SLC15A1: variants seen among roughly 807,000 people sequenced by gnomAD.
SLC15A1 encodes the protein Caco-2 oligopeptide transporter.
SLC15A1 carries 83 observed loss-of-function variants against 92.9 expected under a neutral mutation model. That is an observed-to-expected ratio of 0.89 (90% CI 0.75 to 1.07). The LOEUF (loss-of-function observed/expected upper bound fraction) is 1.07, where lower values mean the gene tolerates loss of function less well. Among genes scored for constraint, SLC15A1 ranks in the 50% least tolerant of loss-of-function variants. SLC15A1 has a pLI of 0.00. For synonymous variants in SLC15A1, 322 were observed against 318.2 expected, an observed-to-expected ratio of 1.01 and a Z score of -0.13; for missense variants, 857 against 880.1, an observed-to-expected ratio of 0.97 and a Z score of 0.33.
rs541671484 is a variant in SLC15A1 at position 98,718,679 on chromosome 13, G to A, written c.640+558C>T. Among the ~76,000 whole-genome samples, 13 of 152,200 alleles carry A rather than the reference G, an allele frequency of 8.5e-5. No individual in the cohort carries two copies. The South Asian group carries it at 1.7e-3, about 19-fold the overall frequency. On this transcript the variant is annotated intron_variant, in intron 8 of 22. Transcript: ENST00000376503. ...TAACAATAAAAAATATGTGGTGGCCGGTGCCTGTAATCTCAACTACTTGGG... is the reference window on the plus strand; with the variant it reads ...TAACAATAAAAAATATGTGGTGGCCAGTGCCTGTAATCTCAACTACTTGGG...
chr13:98,745,073 A>G (rs2139613553), intron 1 of SLC15A1, among the ~76,000 whole-genome samples: 1 of 152,352 alleles, frequency 6.6e-6, no homozygotes, highest in Admixed American at 6.5e-5. Context: ...GCAGGTCCAC[A>G]GTACCGCATC....
intron 18 of SLC15A1, among the ~76,000 whole-genome samples, chr13:98,702,168 T>C (rs1440856571): frequency 6.6e-6 from 1 of 152,226 alleles, no homozygotes; most frequent in Non-Finnish European, 1.5e-5. Context: ...CTTTTGTAGA[T>C]GTCCTTTTTC....
chr13:98,727,199 C>G (rs2088309549), intron 1 of SLC15A1, among the ~76,000 whole-genome samples: 1 of 152,202 alleles, frequency 6.6e-6, no homozygotes, highest in African/African-American at 2.4e-5. Flanking sequence ...TCTTCAATAT[C>G]TGACAAGTGT....
intron 1 of SLC15A1, among the ~76,000 whole-genome samples, chr13:98,751,523 C>T (rs1225320136): frequency 6.6e-6 from 1 of 152,248 alleles, no homozygotes; most frequent in Non-Finnish European, 1.5e-5. Context: ...AGAACTGCAG[C>T]CCAGGAATCT....
chr13:98,704,841 A>T (rs1382870564), intron 16 of SLC15A1, among the ~76,000 whole-genome samples: 2 of 152,266 alleles, frequency 1.3e-5, no homozygotes, highest in Non-Finnish European at 1.5e-5. Flanking sequence ...TTAGTTTCAC[A>T]AGGTCTAAGG....
At chr13:98,750,727 G>T (rs1346281279) in intron 1 of SLC15A1, among the ~76,000 whole-genome samples, 1 of 151,540 alleles carries the variant, frequency 6.6e-6, no homozygotes, top group Non-Finnish European at 1.5e-5. Context: ...AGCAATTCTG[G>T]CATGACCTAA....
intron 18 of SLC15A1, among the ~76,000 whole-genome samples, chr13:98,694,268 T>G (rs752392121): frequency 3.9e-5 from 6 of 152,228 alleles, no homozygotes; most frequent in Non-Finnish European, 7.3e-5. Flanking sequence ...GCCAGACCTT[T>G]GCATAGCTGT....
At chr13:98,742,666 T>C (rs1387740178) in intron 1 of SLC15A1, among the ~76,000 whole-genome samples, 1 of 152,194 alleles carries the variant, frequency 6.6e-6, no homozygotes, top group Non-Finnish European at 1.5e-5. Context: ...GGCCCAGCTT[T>C]GGTGTTCCCC....
chr13:98,752,644 C>A lies in SLC15A1; in HGVS notation c.-46G>T. The A allele has an allele frequency of 8.0e-7, 1 of 1,247,194 alleles. No homozygotes were observed. The highest frequency in any genetic ancestry group is 3.5e-5 in the South Asian group (1 of 28,918). The allele number at this position is 1,247,194 out of a possible 1,614,324, so 77.3% of individuals were successfully genotyped here. A position where few individuals can be genotyped will look rare whatever the true frequency, so the allele number is the denominator to read the frequency against. ...CTGCGACCTGCCGGCGGGACGTGCT[C>A]CTGGCAGGTGCTACTCCTCCGACCT... On this transcript the variant is annotated 5_prime_UTR_variant, in exon 1 of 23. Coordinates refer to ENST00000376503, the MANE Select transcript of SLC15A1 (RefSeq NM_005073.4).
intron 1 of SLC15A1, among the ~76,000 whole-genome samples, chr13:98,748,384 G>C (rs2088513010): frequency 6.6e-6 from 1 of 152,098 alleles, no homozygotes; most frequent in Non-Finnish European, 1.5e-5. Context: ...TCCACCTCCT[G>C]GGCTCAAGTG....
chr13:98,684,611 C>T lies in SLC15A1; in HGVS notation c.*113G>A. ...AGAAAATAGCATTCATGGTTTAGTT[C>T]CCAATTCTGAAGTCTTCCTCATCAG... On this transcript the variant is annotated 3_prime_UTR_variant, in exon 23 of 23. Coordinates refer to ENST00000376503, the MANE Select transcript of SLC15A1 (RefSeq NM_005073.4). 1.6e-6 allele frequency: 1 copy of T among 644,822 alleles called. No individual in the cohort carries two copies. Among genetic ancestry groups the T allele is most frequent in the Non-Finnish European group, 2.6e-6 (1 of 379,866 alleles). The allele number at this position is 644,822 out of a possible 1,614,324, so 39.9% of individuals were successfully genotyped here. A position where few individuals can be genotyped will look rare whatever the true frequency, so the allele number is the denominator to read the frequency against.
chr13:98,752,393 C>G (rs1335459450), intron 1 of SLC15A1, among the ~76,000 whole-genome samples: 1 of 152,144 alleles, frequency 6.6e-6, no homozygotes, highest in African/African-American at 2.4e-5. Flanking sequence ...CTGGGCACCT[C>G]TGGCTTCCGC....
intron 1 of SLC15A1, among the ~76,000 whole-genome samples, chr13:98,743,001 T>A (rs1461313335): frequency 6.6e-6 from 1 of 152,182 alleles, no homozygotes; most frequent in African/African-American, 2.4e-5. Flanking sequence ...CTCAAACTTC[T>A]TGTCTCAAGT....
chr13:98,693,092 T>G (rs1267411460), intron 18 of SLC15A1, among the ~76,000 whole-genome samples: 1 of 132,686 alleles, frequency 7.5e-6, no homozygotes. Flanking sequence ...TCTACGTTTT[T>G]TTTTTTTTTT....
intron 1 of SLC15A1, among the ~76,000 whole-genome samples, chr13:98,731,667 C>T (rs1179295096): frequency 8.5e-5 from 13 of 152,116 alleles, no homozygotes; most frequent in Non-Finnish European, 1.9e-4. Flanking sequence ...TCCTGTGTTC[C>T]CCGGATTTTT....
chr13:98,731,767 T>A (rs2088352468), intron 1 of SLC15A1, among the ~76,000 whole-genome samples: 1 of 152,064 alleles, frequency 6.6e-6, no homozygotes. Flanking sequence ...AGTGGTAAAG[T>A]TTTTCTCTAC....
At chr13:98,710,595 C>A (rs2088153366) in intron 11 of SLC15A1, among the ~76,000 whole-genome samples, 1 of 151,974 alleles carries the variant, frequency 6.6e-6, no homozygotes, top group Non-Finnish European at 1.5e-5. Flanking sequence ...GCGCGTGGAT[C>A]ACCTGAGGTT....
intron 10 of SLC15A1, among the ~76,000 whole-genome samples, chr13:98,712,184 T>C (rs1247508804): frequency 1.3e-5 from 2 of 152,212 alleles, no homozygotes; most frequent in Admixed American, 6.5e-5. Flanking sequence ...TTACTAAATG[T>C]AAATCCCACC....
rs754468098 is a variant in SLC15A1 at position 98,711,956 on chromosome 13, T to G, written c.811-13A>C. ...AGATGAGCCGCTCCTGTAGTTGGAG[T>G]GGGGAAGGGACAAATCAGCCACACC... On this transcript the variant is annotated splice_polypyrimidine_tract_variant and intron_variant, in intron 10 of 22. Transcript: ENST00000376503. 1.2e-6 allele frequency: 2 copies of G among 1,601,474 alleles called. No individual in the cohort carries two copies. Among genetic ancestry groups the G allele is most frequent in the Non-Finnish European group, 1.7e-6 (2 of 1,170,494 alleles).
Sources: gnomAD v4.1 joint callset for allele counts (sites outside exome capture counted in the v4.1 genomes callset) on GRCh38, gnomAD v4.1.1 for gene constraint, MANE v1.5 for transcripts, NCBI Gene and HGNC (gene_info 2026-07-23, HGNC 2026-07-21) for gene names.